RUNDC3B: variants seen among roughly 807,000 people sequenced by gnomAD.
RUNDC3B encodes the protein RUN domain containing 3B.
In RUNDC3B, 33 loss-of-function variants were observed where a neutral mutation model predicts 58.4. The observed-to-expected ratio is 0.56, with a 90% CI of 0.43 to 0.75. The LOEUF (loss-of-function observed/expected upper bound fraction) is 0.75. RUNDC3B is among the 30% of genes least tolerant of loss of function. RUNDC3B has a pLI of 0.00. For missense variants in RUNDC3B, 501 were observed against 535.7 expected (o/e 0.94, Z 0.64); for synonymous variants, 193 against 195.2 (o/e 0.99, Z 0.10).
At chr7:87,702,727 C>T (rs1266150172) in intron 3 of RUNDC3B, among the ~76,000 whole-genome samples, 1 of 152,024 alleles carries the variant, frequency 6.6e-6, no homozygotes, top group African/African-American at 2.4e-5. Context: ...TCAAATGGAT[C>T]GAACATCCCA....
intron 7 of RUNDC3B, among the ~76,000 whole-genome samples, chr7:87,772,937 A>G (rs1834361587): frequency 1.3e-5 from 2 of 151,238 alleles, no homozygotes; most frequent in African/African-American, 2.5e-5. Flanking sequence ...ATAGATACTA[A>G]CTAAAAGAAT....
At chr7:87,810,368 G>A (rs147658065) in intron 9 of RUNDC3B, among the ~76,000 whole-genome samples, 60 of 152,294 alleles carry the variant, frequency 3.9e-4, no homozygotes, top group African/African-American at 1.3e-3. Flanking sequence ...TTAGCATGGT[G>A]TGATTAGTTT....
chr7:87,711,003 C>T (rs1830025430), intron 4 of RUNDC3B, among the ~76,000 whole-genome samples: 1 of 151,904 alleles, frequency 6.6e-6, no homozygotes, highest in African/African-American at 2.4e-5. Context: ...TTCTTTTCAC[C>T]TCAGTATTTC....
At chr7:87,728,776 T>C (rs1337425062) in intron 4 of RUNDC3B, among the ~76,000 whole-genome samples, 2 of 152,240 alleles carry the variant, frequency 1.3e-5, no homozygotes, top group Non-Finnish European at 2.9e-5. Context: ...GGCATTATGC[T>C]ACCTACTACA....
At chr7:87,689,737 G>A (rs776803367) in intron 2 of RUNDC3B, among the ~76,000 whole-genome samples, 17 of 152,058 alleles carry the variant, frequency 1.1e-4, no homozygotes, top group Non-Finnish European at 1.8e-4. Flanking sequence ...TAATTTCAAT[G>A]AGTTGTCCTT....
chr7:87,736,884 TATA>T (rs1320253207), intron 4 of RUNDC3B, among the ~76,000 whole-genome samples: 954 of 40,478 alleles, frequency 0.024, 11 homozygotes, highest in African/African-American at 0.038. Context: ...TATATATATA[TATA>T]TATTTTTTTT....
intron 2 of RUNDC3B, among the ~76,000 whole-genome samples, chr7:87,667,978 A>G (rs1355061039): frequency 6.6e-6 from 1 of 152,026 alleles, no homozygotes; most frequent in Non-Finnish European, 1.5e-5. Flanking sequence ...AGGTTTGGGT[A>G]TTAAGATGAT....
chr7:87,650,880 C>A lies in RUNDC3B; in HGVS notation c.181C>A (p.Pro61Thr). The A allele has an allele frequency of 6.2e-7, 1 of 1,613,218 alleles. No homozygotes were observed. The highest frequency in any genetic ancestry group is 8.5e-7 in the Non-Finnish European group (1 of 1,179,438). The change falls in exon 2 of 11, where the codon CCT becomes ACT. Residue 61 changes from proline (P) to threonine (T), a missense_variant. By Grantham distance (38) the Pro-to-Thr change is conservative. Transcript: ENST00000394654. ...SCFETIDDSS[P>T]EFNNFAAILE... is the part of the protein sequence containing the mutation. The stretch of plus-strand genomic sequence containing the variant: ...CTTTGAGACAATTGATGATTCTTCT[C>A]CTGAATTTAACAATTTTGCAGCTAT...
intron 8 of RUNDC3B, among the ~76,000 whole-genome samples, chr7:87,806,753 G>GATTTAA (rs1836455189): frequency 6.6e-6 from 1 of 152,110 alleles, no homozygotes; most frequent in African/African-American, 2.4e-5. Context: ...ACTGCTCAGT[G>GATTTAA]TAGTTGTCAT....
At chr7:87,656,068 T>A (rs746839570) in intron 2 of RUNDC3B, among the ~76,000 whole-genome samples, 3 of 152,080 alleles carry the variant, frequency 2.0e-5, no homozygotes, top group Admixed American at 6.6e-5. Flanking sequence ...TCTAGAACTA[T>A]GAGAAATAAA....
At chr7:87,629,715 C>T (rs1297869109) in intron 1 of RUNDC3B, among the ~76,000 whole-genome samples, 1 of 151,714 alleles carries the variant, frequency 6.6e-6, no homozygotes, top group African/African-American at 2.4e-5. Flanking sequence ...ATCACGAGGT[C>T]GGAGTTCGAG....
chr7:87,760,173 T>G (rs1355754930), intron 6 of RUNDC3B, among the ~76,000 whole-genome samples: 1 of 152,002 alleles, frequency 6.6e-6, no homozygotes. Flanking sequence ...ACCTAGTTCT[T>G]TAGTTGGTGT....
intron 1 of RUNDC3B, among the ~76,000 whole-genome samples, chr7:87,640,596 G>C (rs1343340678): frequency 1.3e-5 from 2 of 152,048 alleles, no homozygotes; most frequent in Non-Finnish European, 2.9e-5. Context: ...CCTCCTGCCT[G>C]GGCCTCCAAA....
chr7:87,753,081 T>C (rs2130836768), intron 6 of RUNDC3B, among the ~76,000 whole-genome samples: 1 of 152,246 alleles, frequency 6.6e-6, no homozygotes, highest in Non-Finnish European at 1.5e-5. Context: ...TTGTGTCTGT[T>C]CTCATTGGTT....
At chr7:87,673,123 C>T (rs1218237352) in intron 2 of RUNDC3B, among the ~76,000 whole-genome samples, 1 of 152,112 alleles carries the variant, frequency 6.6e-6, no homozygotes, top group Non-Finnish European at 1.5e-5. Flanking sequence ...GGTGACCTTC[C>T]CCTTTTGTTT....
At position 87,725,256 on chromosome 7, in the gene RUNDC3B, A is replaced by G. The variant is rs557381046; in HGVS notation, c.459-14535A>G. Among the ~76,000 whole-genome samples the G allele has an allele frequency of 1.2e-4, 18 of 152,188 alleles. No homozygotes were observed. In the East Asian group the frequency reaches 2.5e-3, roughly 21 times the overall value. ...CCCTCCCCACTCCCCGCACCCCACA[A>G]CAGGCCCCGGTGTGTGATGTTCTCC... On this transcript the variant is annotated intron_variant, in intron 4 of 10. Coordinates refer to ENST00000394654, the MANE Select transcript of RUNDC3B (RefSeq NM_001134405.2).
intron 6 of RUNDC3B, among the ~76,000 whole-genome samples, chr7:87,758,091 G>T (rs1833472194): frequency 6.6e-6 from 1 of 152,184 alleles, no homozygotes; most frequent in Non-Finnish European, 1.5e-5. Context: ...AGCCAAGGCA[G>T]GAGGATCTTT....
chr7:87,659,807 A>C (rs1437492179), intron 2 of RUNDC3B, among the ~76,000 whole-genome samples: 1 of 152,134 alleles, frequency 6.6e-6, no homozygotes, highest in Non-Finnish European at 1.5e-5. Flanking sequence ...GTTTTCATAA[A>C]ATAGCCAGAG....
At chr7:87,756,585 C>G (rs896480097) in intron 6 of RUNDC3B, among the ~76,000 whole-genome samples, 1 of 151,902 alleles carries the variant, frequency 6.6e-6, no homozygotes, top group Admixed American at 6.6e-5. Flanking sequence ...TATATATACT[C>G]CCTTAAAATA....
Sources: gnomAD v4.1 joint callset for allele counts (sites outside exome capture counted in the v4.1 genomes callset) on GRCh38, gnomAD v4.1.1 for gene constraint, MANE v1.5 for transcripts, NCBI Gene and HGNC (gene_info 2026-07-23, HGNC 2026-07-21) for gene names.